PHTF2: variants seen among roughly 807,000 people sequenced by gnomAD.
PHTF2 encodes the protein protein PHTF2.
Under a neutral mutation model 101.2 loss-of-function variants are expected in PHTF2, and 60 were observed. The observed-to-expected ratio is 0.59, with a 90% confidence interval of 0.48 to 0.73. The LOEUF is 0.73. PHTF2 is among the 30% of genes least tolerant of loss of function. PHTF2 has a pLI of 0.00. For missense variants in PHTF2, 747 were observed against 908.7 expected (o/e 0.82, Z 2.29); for synonymous variants, 311 against 307.3 (o/e 1.01, Z -0.13).
At chr7:77,907,168 C>T (rs1160427152) in intron 7 of PHTF2, among the ~76,000 whole-genome samples, 1 of 152,074 alleles carries the variant, frequency 6.6e-6, no homozygotes, top group Non-Finnish European at 1.5e-5. Flanking sequence ...ACAAAAAAGA[C>T]TCTCTGCTTT....
At chr7:77,945,114 C>T (rs1805940178) in intron 16 of PHTF2, among the ~76,000 whole-genome samples, 1 of 152,150 alleles carries the variant, frequency 6.6e-6, no homozygotes, top group Admixed American at 6.5e-5. Context: ...CTGAGGCAGT[C>T]AGAGCACTTG....
Position 77,951,586 on chromosome 7 carries a change from A to G in PHTF2, c.2116-31A>G, listed in dbSNP as rs989360226. Reference sequence around the variant, plus strand: ...CCTTTAAAAATGTGTATTTATTATAATTTGAAGCATTTCTATTCTTTTTAT... The same window carrying G: ...CCTTTAAAAATGTGTATTTATTATAGTTTGAAGCATTTCTATTCTTTTTAT... On this transcript the variant is annotated intron_variant, in intron 17 of 19. Coordinates refer to ENST00000416283, the Ensembl canonical transcript of PHTF2. 2.3e-5 allele frequency: 21 copies of G among 893,982 alleles called. No individual in the cohort carries two copies. Among genetic ancestry groups the G allele is most frequent in the Non-Finnish European group, 2.9e-5 (17 of 579,336 alleles). The allele number at this position is 893,982 out of a possible 1,614,324, so 55.4% of individuals were successfully genotyped here.
intron 2 of PHTF2, among the ~76,000 whole-genome samples, chr7:77,853,533 A>C (rs1244509314): frequency 6.6e-6 from 1 of 152,016 alleles, no homozygotes; most frequent in East Asian, 1.9e-4. Flanking sequence ...AGCTGGGACT[A>C]CAGGTGTGCA....
chr7:77,830,641 C>T (rs1173640463), intron 1 of PHTF2, among the ~76,000 whole-genome samples: 4 of 152,164 alleles, frequency 2.6e-5, no homozygotes, highest in East Asian at 1.9e-4. Flanking sequence ...GTGATGCTTG[C>T]GCTGGGGAGC....
intron 7 of PHTF2, 87 bp downstream of exon 6, chr7:77,902,007 C>T: frequency 1.6e-6 from 1 of 625,338 alleles, no homozygotes; most frequent in Non-Finnish European, 2.5e-6. Context: ...ATGCTAACTA[C>T]TACTGAGTAT....
At chr7:77,932,621 AGTGTGTGTGTGTGT>A (rs56005414) in intron 12 of PHTF2, among the ~76,000 whole-genome samples, 55 of 118,558 alleles carry the variant, frequency 4.6e-4, no homozygotes, top group African/African-American at 1.9e-3. Context: ...AGAGAGAGAG[AGTGTGTGTGTGTGT>A]GTGTGTGTGT....
chr7:77,802,072 T>C (rs1792603082), intron 1 of PHTF2, among the ~76,000 whole-genome samples: 1 of 152,178 alleles, frequency 6.6e-6, no homozygotes, highest in African/African-American at 2.4e-5. Flanking sequence ...CACTGAAGCC[T>C]TAAAGGTCTG....
intron 1 of PHTF2, among the ~76,000 whole-genome samples, chr7:77,837,487 G>A (rs1452708030): frequency 1.3e-5 from 2 of 152,122 alleles, no homozygotes; most frequent in African/African-American, 4.8e-5. Context: ...TTTAAAAATA[G>A]GTATGAGCCA....
chr7:77,949,002 G>T (rs1209976722), intron 16 of PHTF2, among the ~76,000 whole-genome samples: 2 of 152,186 alleles, frequency 1.3e-5, no homozygotes, highest in Admixed American at 1.3e-4. Flanking sequence ...AGCATTGCTT[G>T]TAATAATGGA....
intron 1 of PHTF2, among the ~76,000 whole-genome samples, chr7:77,833,134 C>T (rs1795195257): frequency 6.6e-6 from 1 of 152,040 alleles, no homozygotes; most frequent in Admixed American, 6.5e-5. Context: ...AAGGGGAACA[C>T]AGAACAGGAT....
chr7:77,930,316 C>A (rs1014320037), intron 12 of PHTF2, among the ~76,000 whole-genome samples: 3 of 152,106 alleles, frequency 2.0e-5, no homozygotes, highest in Admixed American at 1.3e-4. Context: ...TTGGACAGCA[C>A]GATTTTATAG....
chr7:77,899,445 G>T, intron 5 of PHTF2, among the ~76,000 whole-genome samples: 1 of 151,838 alleles, frequency 6.6e-6, no homozygotes, highest in East Asian at 1.9e-4. Context: ...TTACCAAGTA[G>T]GTGTGTTTGC....
intron 3 of PHTF2, among the ~76,000 whole-genome samples, chr7:77,856,673 A>G (rs1251792094): frequency 6.6e-6 from 1 of 152,172 alleles, no homozygotes; most frequent in Non-Finnish European, 1.5e-5. Context: ...TGTACTGAGC[A>G]TGTGCAGACT....
At chr7:77,869,118 A>G (rs1045905319) in intron 3 of PHTF2, among the ~76,000 whole-genome samples, 1 of 152,134 alleles carries the variant, frequency 6.6e-6, no homozygotes, top group African/African-American at 2.4e-5. Flanking sequence ...AGGTCTTTAC[A>G]TCTGTTTCAT....
intron 3 of PHTF2, chr7:77,854,837 G>A: frequency 1.3e-6 from 1 of 757,714 alleles, no homozygotes. Flanking sequence ...AGTGTTTGGT[G>A]AGTAATGCCA....
chr7:77,805,354 CAAA>C (rs959733131), intron 1 of PHTF2, among the ~76,000 whole-genome samples: 1 of 152,106 alleles, frequency 6.6e-6, no homozygotes, highest in African/African-American at 2.4e-5. Flanking sequence ...TTGATCCTCT[CAAA>C]GAACCAGTTT....
intron 18 of PHTF2, 62 bp from the exon 18 acceptor site, chr7:77,953,706 GT>G: frequency 5.5e-6 from 8 of 1,463,208 alleles, no homozygotes; most frequent in Non-Finnish European, 7.5e-6. Flanking sequence ...ATTGTATATT[GT>G]TCTGAATTAG....
At chr7:77,899,627 C>T (rs1222230795) in intron 5 of PHTF2, among the ~76,000 whole-genome samples, 18 of 152,036 alleles carry the variant, frequency 1.2e-4, no homozygotes, top group Admixed American at 9.2e-4. Context: ...GGTTTCAGGG[C>T]GCATTTTTGG....
chr7:77,952,366 G>A (rs1010321335), intron 18 of PHTF2, among the ~76,000 whole-genome samples: 1 of 152,110 alleles, frequency 6.6e-6, no homozygotes, highest in Non-Finnish European at 1.5e-5. Context: ...TTGTGTTTCA[G>A]TGTTATAGTT....
Sources: allele counts gnomAD v4.1 joint callset (sites outside exome capture counted in the v4.1 genomes callset), GRCh38; gene constraint gnomAD v4.1.1; transcripts MANE v1.5; gene names NCBI Gene and HGNC (gene_info 2026-07-23, HGNC 2026-07-21).